Variants in ZNF106 observed in about 807,000 individuals in gnomAD.
ZNF106 encodes SH3-domain binding protein 3.
ZNF106 carries 67 observed loss-of-function variants against 195.1 expected under a neutral mutation model. The observed-to-expected ratio is 0.34, with a 90% CI of 0.28 to 0.42. ZNF106 has a LOEUF of 0.42. Among genes scored for constraint, ZNF106 ranks in the 10% least tolerant of loss-of-function variants. ZNF106 has a pLI of 1.00. For synonymous variants in ZNF106, 784 were observed against 818.6 expected, an observed-to-expected ratio of 0.96 and a Z score of 0.72; for missense variants, 2,118 against 2,304.5, an observed-to-expected ratio of 0.92 and a Z score of 1.66.
chr15:42,421,894 C>T (rs746312008), intron 19 of ZNF106, 23 bp downstream of exon 19: 1 of 1,510,136 alleles, frequency 6.6e-7, no homozygotes, highest in African/African-American at 1.4e-5. Context: ...AAGCAAATAT[C>T]TTACATGACA....
chr15:42,465,478 C>A (rs190249594), intron 3 of ZNF106, among the ~76,000 whole-genome samples: 4 of 150,756 alleles, frequency 2.7e-5, no homozygotes, highest in South Asian at 2.1e-4. Context: ...GGTCTTTCTA[C>A]GTTGCCCAGG....
In ZNF106 at chr15:42,421,150, T is replaced by C; in HGVS notation, c.5446-18A>G. 1 of 1,612,994 alleles carries C rather than the reference T, an allele frequency of 6.2e-7. No individual in the cohort carries two copies. Among genetic ancestry groups the C allele is most frequent in the Non-Finnish European group, 8.5e-7 (1 of 1,179,198 alleles). On this transcript the variant is annotated intron_variant, in intron 19 of 21. Coordinates refer to ENST00000564754, the MANE Select transcript of ZNF106 (RefSeq NM_001366845.3). ...GTGTAAATCTGGAGAAAGAGAGGTTTATAATATCAGACCAAAATACATACA... is the reference window on the plus strand; with the variant it reads ...GTGTAAATCTGGAGAAAGAGAGGTTCATAATATCAGACCAAAATACATACA...
At chr15:42,433,145 G>A (rs1013563977) in intron 14 of ZNF106, among the ~76,000 whole-genome samples, 16 of 151,348 alleles carry the variant, frequency 1.1e-4, no homozygotes, top group Admixed American at 3.9e-4. Context: ...TTGCTCTGTC[G>A]CCCAGGCTGG....
chr15:42,458,786 GT>G (rs1198186239), intron 3 of ZNF106, among the ~76,000 whole-genome samples: 1 of 150,726 alleles, frequency 6.6e-6, no homozygotes, highest in African/African-American at 2.4e-5. Context: ...TTGGTAAGGT[GT>G]TTTCTTTTTT....
chr15:42,433,066 T>C (rs1191992299), intron 14 of ZNF106, among the ~76,000 whole-genome samples: 1 of 152,184 alleles, frequency 6.6e-6, no homozygotes, highest in East Asian at 1.9e-4. Flanking sequence ...TATTCCTCTA[T>C]TTCTCCTTCT....
chr15:42,444,971 C>T lies in ZNF106; in HGVS notation c.3216G>A (p.Gln1072=), dbSNP rs1236718444. 2.5e-6 allele frequency: 4 copies of T among 1,613,964 alleles called. No homozygotes were observed. The African/African-American group carries it at 5.3e-5, about 22-fold the overall frequency. ...RKIKGKKERS[Q]VDQLLNISLR... ...AAGAAATATTCAGCAGCTGGTCAAC[C>T]TGAGAACGTTCTGCCAAAAGAAATC... is the stretch of plus-strand genomic sequence containing the variant. The change falls in exon 8 of 22, where the codon CAG becomes CAA. Residue 1072 remains glutamine, a synonymous_variant. Transcript: ENST00000564754.
chr15:42,417,116 C>T lies in ZNF106; in HGVS notation c.*188G>A, dbSNP rs1451041936. 1 of 584,588 alleles carries T rather than the reference C, an allele frequency of 1.7e-6. No individual in the cohort carries two copies. Among genetic ancestry groups the T allele is most frequent in the Non-Finnish European group, 3.0e-6 (1 of 332,846 alleles). 36.2% of individuals were successfully genotyped at this position (584,588 alleles called of 1,614,324 possible). ...ATTTGTCTAAATCTATTTAAAACCT[C>T]CAGCAAGAACTTAAAAGTGTAATTT... On this transcript the variant is annotated 3_prime_UTR_variant, in exon 22 of 22. Coordinates refer to ENST00000564754, the MANE Select transcript of ZNF106 (RefSeq NM_001366845.3).
At chr15:42,424,330 T>G (rs2054776120) in intron 16 of ZNF106, 1 of 403,802 alleles carries the variant, frequency 2.5e-6, no homozygotes, top group East Asian at 4.0e-5. Context: ...ATACCCACAG[T>G]ATAACAAAAT....
At chr15:42,425,445 T>C (rs904304656) in intron 15 of ZNF106, 2 of 157,912 alleles carry the variant, frequency 1.3e-5, no homozygotes, top group African/African-American at 2.4e-5. Context: ...TGTCATGCTG[T>C]TTCCAAAAAT....
intron 4 of ZNF106, among the ~76,000 whole-genome samples, chr15:42,456,248 G>A (rs758258754): frequency 2.6e-5 from 4 of 152,240 alleles, no homozygotes; most frequent in Non-Finnish European, 4.4e-5. Context: ...TTATTTTGGC[G>A]ATACGACTAT....
intron 3 of ZNF106, among the ~76,000 whole-genome samples, chr15:42,459,877 A>T (rs929149170): frequency 4.7e-5 from 7 of 149,546 alleles, no homozygotes; most frequent in Non-Finnish European, 1.0e-4. Context: ...CATCTCTACT[A>T]AAAAAAAATA....
rs2055870029 is a variant in ZNF106, at chr15:42,448,780, A to AGGCT, written c.2502-79_2502-76dup. On this transcript the variant is annotated intron_variant, in intron 5 of 21. Transcript: ENST00000564754. ...GAGGGGCATTATTTTTTAATGTGCC[A>AGGCT]GGCTCTCTCAAGCACTGAGGTTATA... 2.1e-6 allele frequency: 3 copies of AGGCT among 1,462,890 alleles called. No homozygotes were observed. In the South Asian group the frequency reaches 4.1e-5, roughly 20 times the overall value. 90.6% of individuals were successfully genotyped at this position (1,462,890 alleles called of 1,614,324 possible). A position where few individuals can be genotyped will look rare whatever the true frequency, so the allele number is the denominator to read the frequency against.
chr15:42,462,774 G>A (rs571398738), intron 3 of ZNF106, among the ~76,000 whole-genome samples: 5 of 152,146 alleles, frequency 3.3e-5, no homozygotes, highest in African/African-American at 1.2e-4. Flanking sequence ...TTATAAACAC[G>A]AGTCTTATGT....
At chr15:42,421,024 A>G (rs1266058346) in intron 20 of ZNF106, 37 bp downstream of exon 20, 1 of 1,596,944 alleles carries the variant, frequency 6.3e-7, no homozygotes, top group African/African-American at 1.3e-5. Context: ...GAAGCAACCT[A>G]TAGAAGTCCA....
intron 3 of ZNF106, chr15:42,457,441 T>G: frequency 7.7e-7 from 1 of 1,302,434 alleles, no homozygotes; most frequent in Non-Finnish European, 9.8e-7. Context: ...TAAAATCTTG[T>G]CAGAGGAAAC....
intron 3 of ZNF106, among the ~76,000 whole-genome samples, chr15:42,463,733 G>A (rs1273931110): frequency 6.6e-6 from 1 of 152,138 alleles, no homozygotes; most frequent in African/African-American, 2.4e-5. Flanking sequence ...CCAGGAGTTC[G>A]AGGTTGCAGT....
At chr15:42,419,446 G>GT (rs1555424671) in intron 20 of ZNF106, among the ~76,000 whole-genome samples, 1 of 152,168 alleles carries the variant, frequency 6.6e-6, no homozygotes, top group Non-Finnish European at 1.5e-5. Flanking sequence ...GGAGGCCGAG[G>GT]TAGGGTGATT....
At position 42,472,303 on chromosome 15, in the gene ZNF106, G is replaced by C. The variant is rs1469812871; in HGVS notation, c.-14C>G. ...TTCTCGTACCATAGTGACCAGATCT[G>C]AAGCACTCAACGTCACAGCTGCAAT... On this transcript the variant is annotated 5_prime_UTR_variant, in exon 2 of 22. Transcript: ENST00000564754. 1 of 1,534,940 alleles carries C rather than the reference G, an allele frequency of 6.5e-7. No individual in the cohort carries two copies. The highest frequency in any genetic ancestry group is 1.4e-5 in the African/African-American group (1 of 72,984).
intron 1 of ZNF106, among the ~76,000 whole-genome samples, chr15:42,481,181 C>A (rs969272375): frequency 2.6e-5 from 4 of 151,828 alleles, no homozygotes; most frequent in African/African-American, 9.7e-5. Flanking sequence ...AAAATATCTA[C>A]CCAGATATTT....
Sources: allele counts gnomAD v4.1 joint callset (sites outside exome capture counted in the v4.1 genomes callset), GRCh38; gene constraint gnomAD v4.1.1; transcripts MANE v1.5; gene names NCBI Gene and HGNC (gene_info 2026-07-23, HGNC 2026-07-21).